The following DCAF1 variants were observed in gnomAD, a reference collection of about 807,000 sequenced individuals.
DCAF1 encodes the protein DDB1- and CUL4-associated factor 1.
DCAF1 carries 15 observed loss-of-function variants against 128.0 expected under a neutral mutation model. The observed-to-expected ratio is 0.12, with a 90% CI of 0.08 to 0.18. The LOEUF (loss-of-function observed/expected upper bound fraction) is 0.18. Among genes scored for constraint, DCAF1 ranks in the 10% least tolerant of loss-of-function variants. DCAF1 has a pLI of 1.00. For synonymous variants in DCAF1, 610 were observed against 603.0 expected, an observed-to-expected ratio of 1.01 and a Z score of -0.17; for missense variants, 988 against 1,649.5, an observed-to-expected ratio of 0.60 and a Z score of 6.95.
intron 6 of DCAF1, among the ~76,000 whole-genome samples, chr3:51,448,063 G>T (rs1324371007): frequency 1.3e-5 from 2 of 152,086 alleles, no homozygotes; most frequent in African/African-American, 2.4e-5. Context: ...TTGCAGGAAT[G>T]TTTTTTTACT....
chr3:51,476,146 A>G (rs1048397918), intron 3 of DCAF1, among the ~76,000 whole-genome samples: 6 of 151,826 alleles, frequency 4.0e-5, no homozygotes, highest in Non-Finnish European at 8.8e-5. Flanking sequence ...GCAGTGGAGC[A>G]CTTTGGGAGG....
intron 3 of DCAF1, among the ~76,000 whole-genome samples, chr3:51,481,885 G>A (rs1276740088): frequency 6.6e-6 from 1 of 152,142 alleles, no homozygotes; most frequent in East Asian, 1.9e-4. Flanking sequence ...AGCTACTCAG[G>A]AGGCTGAGGC....
At position 51,441,689 on chromosome 3, in the gene DCAF1, A is replaced by AAGG; in HGVS notation, c.719_721dup (p.Ser240dup). 1 of 1,613,958 alleles carries AAGG rather than the reference A, an allele frequency of 6.2e-7. No individual in the cohort carries two copies. The highest frequency in any genetic ancestry group is 8.5e-7 in the Non-Finnish European group (1 of 1,179,876). On this transcript the variant is annotated inframe_insertion, in exon 8 of 25. Transcript: ENST00000684031. Reference sequence around the variant, plus strand: ...AGTCTTGTGGCCTGAATCAAGATGAAAGGAGATCTCCATGTCTCCAGAAGC... The same window carrying AAGG: ...AGTCTTGTGGCCTGAATCAAGATGAAAGGAGGAGATCTCCATGTCTCCAGAAGC...
chr3:51,403,608 C>G (rs2089898490), intron 23 of DCAF1, among the ~76,000 whole-genome samples: 1 of 152,216 alleles, frequency 6.6e-6, no homozygotes, highest in Non-Finnish European at 1.5e-5. Flanking sequence ...ACCCCTCAGA[C>G]AAGGATTAAT....
chr3:51,430,232 A>G lies in DCAF1; in HGVS notation c.1288-20T>C, dbSNP rs1559502066. 2 of 768,262 alleles carry G rather than the reference A, an allele frequency of 2.6e-6. No individual in the cohort carries two copies. Among genetic ancestry groups the G allele is most frequent in the Admixed American group, 1.7e-5 (1 of 57,876 alleles). 47.6% of individuals were successfully genotyped at this position (768,262 alleles called of 1,614,324 possible). On this transcript the variant is annotated intron_variant, in intron 10 of 24. Coordinates refer to ENST00000684031, the MANE Select transcript of DCAF1 (RefSeq NM_001387579.1). Reference sequence around the variant, plus strand: ...GCAAACCTGCAAAAAAATACAAATAAAACAATGCTTTTAAATTGTGGGCAA... The same window carrying G: ...GCAAACCTGCAAAAAAATACAAATAGAACAATGCTTTTAAATTGTGGGCAA...
In DCAF1 at chr3:51,439,802, G is replaced by A. The variant is rs532930040; in HGVS notation, c.1128+1168C>T. ...AGGTCAGGAGTTTGAGACCAGCCTGGCCAACATGGTGAAACCCTATCTCTA... is the reference window on the plus strand; with the variant it reads ...AGGTCAGGAGTTTGAGACCAGCCTGACCAACATGGTGAAACCCTATCTCTA... On this transcript the variant is annotated intron_variant, in intron 9 of 24. Coordinates refer to ENST00000684031, the MANE Select transcript of DCAF1 (RefSeq NM_001387579.1). 9.2e-5 allele frequency among the ~76,000 whole-genome samples: 14 copies of A among 151,982 alleles called. No individual in the cohort carries two copies. In the South Asian group the frequency reaches 2.7e-3, roughly 29 times the overall value.
At chr3:51,447,131 G>C (rs1175028206) in intron 6 of DCAF1, among the ~76,000 whole-genome samples, 1 of 151,846 alleles carries the variant, frequency 6.6e-6, no homozygotes, top group African/African-American at 2.4e-5. Context: ...TATGGGCTGG[G>C]CATGGTGGCT....
chr3:51,453,007 C>T (rs1702513277), intron 6 of DCAF1, among the ~76,000 whole-genome samples: 1 of 146,172 alleles, frequency 6.8e-6, no homozygotes, highest in African/African-American at 2.6e-5. Context: ...CAGAGTGAGG[C>T]TCTGTCTCAA....
intron 6 of DCAF1, among the ~76,000 whole-genome samples, chr3:51,452,020 T>C (rs185088337): frequency 1.3e-5 from 2 of 152,238 alleles, no homozygotes; most frequent in African/African-American, 2.4e-5. Context: ...TTTCACAAAA[T>C]TTGAAAAACA....
rs1553623964 is a variant in DCAF1 at position 51,398,750 on chromosome 3, T to C, written c.*19A>G. On this transcript the variant is annotated 3_prime_UTR_variant, in exon 25 of 25. Coordinates refer to ENST00000684031, the MANE Select transcript of DCAF1 (RefSeq NM_001387579.1). ...AGTTTCTCGCCTGCCAAGAATCTCT[T>C]CCAAGCAGTGATGGCTCCTCACTCA... The C allele has an allele frequency of 6.3e-7, 1 of 1,582,356 alleles. No individual in the cohort carries two copies.
chr3:51,396,023 C>CTGT (rs1276821725), downstream of DCAF1: 3 of 412,380 alleles, frequency 7.3e-6, no homozygotes, highest in Non-Finnish European at 8.9e-6. Flanking sequence ...GGGTCTTGTC[C>CTGT]TGTTGCAGGC....
intron 4 of DCAF1, among the ~76,000 whole-genome samples, chr3:51,467,652 AAT>A (rs1339706844): frequency 6.6e-6 from 1 of 151,968 alleles, no homozygotes; most frequent in Non-Finnish European, 1.5e-5. Context: ...GTATAATAAA[AAT>A]ATATATATAA....
chr3:51,466,913 G>C lies in DCAF1; in HGVS notation c.188-37C>G, dbSNP rs967232862. 3.1e-6 allele frequency: 5 copies of C among 1,601,372 alleles called. No individual in the cohort carries two copies. The African/African-American group carries it at 6.7e-5, about 21-fold the overall frequency. The stretch of plus-strand genomic sequence containing the variant: ...AGAGGGGAGGAACAAACAAAGGAAT[G>C]AGTAAGTCATCCCAGTCAAGCAACT... On this transcript the variant is annotated intron_variant, in intron 4 of 24. Coordinates refer to ENST00000684031, the MANE Select transcript of DCAF1 (RefSeq NM_001387579.1).
chr3:51,464,410 C>T (rs1404950358), intron 5 of DCAF1, among the ~76,000 whole-genome samples: 1 of 151,974 alleles, frequency 6.6e-6, no homozygotes, highest in Non-Finnish European at 1.5e-5. Flanking sequence ...GATTCATTAT[C>T]CAGGCTGAGT....
At chr3:51,402,743 T>A (rs2089816276) in intron 24 of DCAF1, among the ~76,000 whole-genome samples, 1 of 151,928 alleles carries the variant, frequency 6.6e-6, no homozygotes, top group Admixed American at 6.6e-5. Context: ...CCCAGCTAAT[T>A]TTGTATTTTT....
chr3:51,454,057 A>AT (rs1244316938), intron 6 of DCAF1, among the ~76,000 whole-genome samples: 5 of 151,700 alleles, frequency 3.3e-5, no homozygotes, highest in South Asian at 4.2e-4. Context: ...TGAGCAACTA[A>AT]TTTTTTTTTC....
chr3:51,403,002 T>C (rs1442807913), intron 24 of DCAF1, 141 bp downstream of exon 24: 41 of 1,373,666 alleles, frequency 3.0e-5, no homozygotes, highest in Non-Finnish European at 3.5e-5. Flanking sequence ...CAAAGGTGCT[T>C]TGCCTCAAGA....
upstream of DCAF1, among the ~76,000 whole-genome samples, chr3:51,501,933 T>A (rs1460236390): frequency 2.0e-5 from 3 of 152,132 alleles, no homozygotes; most frequent in African/African-American, 7.2e-5. Flanking sequence ...GAAGATATGG[T>A]TAATCACCTT....
intron 9 of DCAF1, among the ~76,000 whole-genome samples, chr3:51,436,683 T>G (rs1700861066): frequency 6.6e-6 from 1 of 152,202 alleles, no homozygotes; most frequent in Admixed American, 6.5e-5. Flanking sequence ...GCTCTACTGT[T>G]TGATTTGACC....
Sources: gnomAD v4.1 joint callset for allele counts (sites outside exome capture counted in the v4.1 genomes callset) on GRCh38, gnomAD v4.1.1 for gene constraint, MANE v1.5 for transcripts, NCBI Gene and HGNC (gene_info 2026-07-23, HGNC 2026-07-21) for gene names.